Variants in SLC39A11 observed in about 807,000 individuals in gnomAD.
The protein encoded by SLC39A11 is solute carrier family 39 member 11.
In SLC39A11, 33 loss-of-function variants were observed where a neutral mutation model predicts 36.1. The ratio of observed to expected loss-of-function variants is 0.91; its 90% CI spans 0.69 to 1.22. The LOEUF (loss-of-function observed/expected upper bound fraction) is 1.22, where lower values mean the gene tolerates loss of function less well. SLC39A11 is among the 50% of genes most tolerant of loss of function. The probability of loss-of-function intolerance (pLI) is 0.00; values close to 1 mark genes in which losing one functional copy is unlikely to be tolerated. For missense variants in SLC39A11, 432 were observed against 430.3 expected (o/e 1.00, Z -0.03); for synonymous variants, 166 against 170.3 (o/e 0.97, Z 0.20).
chr17:72,721,499 A>C (rs1291871386), intron 7 of SLC39A11, among the ~76,000 whole-genome samples: 1 of 152,138 alleles, frequency 6.6e-6, no homozygotes, highest in Non-Finnish European at 1.5e-5. Context: ...TCCATGTGTG[A>C]TGATTCAAGA....
chr17:72,750,713 T>C (rs1361882472), intron 6 of SLC39A11, among the ~76,000 whole-genome samples: 1 of 151,954 alleles, frequency 6.6e-6, no homozygotes, highest in East Asian at 1.9e-4. Context: ...GCAGGCATCA[T>C]ACCACAACGT....
chr17:72,939,601 T>C (rs1174239491), intron 5 of SLC39A11, among the ~76,000 whole-genome samples: 1 of 152,106 alleles, frequency 6.6e-6, no homozygotes, highest in Non-Finnish European at 1.5e-5. Context: ...GTTTTGGACA[T>C]AGACACACTT....
rs552409101 is a variant in SLC39A11, at chr17:73,084,706, T to C, written c.147+102A>G. 6.4e-5 allele frequency: 67 copies of C among 1,049,606 alleles called. 2 individuals are homozygous for C. In the South Asian group the frequency reaches 7.3e-4, roughly 11 times the overall value. The allele number at this position is 1,049,606 out of a possible 1,614,324, so 65.0% of individuals were successfully genotyped here. On this transcript the variant is annotated intron_variant, in intron 3 of 9. Coordinates refer to ENST00000255559, the MANE Select transcript of SLC39A11 (RefSeq NM_139177.4). ...TGTTAGTGCCTGAGGAACACAGAGATGCATCTAGGTCGCAAGGGGAGGGAC... is the reference window on the plus strand; with the variant it reads ...TGTTAGTGCCTGAGGAACACAGAGACGCATCTAGGTCGCAAGGGGAGGGAC...
At chr17:72,671,503 C>G (rs961746075) in intron 7 of SLC39A11, among the ~76,000 whole-genome samples, 1 of 152,162 alleles carries the variant, frequency 6.6e-6, no homozygotes, top group Non-Finnish European at 1.5e-5. Context: ...GGTGGATCAT[C>G]TGAGGTCAGG....
intron 6 of SLC39A11, among the ~76,000 whole-genome samples, chr17:72,817,346 GGGAGGGGGA>G (rs925062131): frequency 2.8e-5 from 3 of 108,176 alleles, no homozygotes; most frequent in African/African-American, 1.0e-4. Flanking sequence ...GAAAAGAAGG[GGGAGGGGGA>G]GGAGGAGGAG....
intron 7 of SLC39A11, among the ~76,000 whole-genome samples, chr17:72,692,462 A>AGGCG (rs2072078951): frequency 6.6e-6 from 1 of 152,246 alleles, no homozygotes; most frequent in Non-Finnish European, 1.5e-5. Flanking sequence ...GGGAGGCCTC[A>AGGCG]GAATCATGGC....
intron 4 of SLC39A11, among the ~76,000 whole-genome samples, chr17:72,969,988 C>A (rs1381326971): frequency 2.6e-5 from 4 of 152,194 alleles, no homozygotes; most frequent in African/African-American, 9.7e-5. Flanking sequence ...GAAAGAGACA[C>A]CAACGGCAGT....
At chr17:72,905,172 CAAAA>C (rs58702930) in intron 5 of SLC39A11, among the ~76,000 whole-genome samples, 487 of 42,826 alleles carry the variant, frequency 0.011, 2 homozygotes, top group African/African-American at 0.04. Flanking sequence ...GACTCCATCT[CAAAA>C]AAAAAAAAAA....
In SLC39A11 at chr17:73,027,072, C is replaced by T. The variant is rs890327096; in HGVS notation, c.306+4484G>A. On this transcript the variant is annotated intron_variant, in intron 4 of 9. Coordinates refer to ENST00000255559, the MANE Select transcript of SLC39A11 (RefSeq NM_139177.4). ...AGGAGGTCAAGGCTACAGTAAGCCGCGATCATGCCACTGCACTCCAGCCTG... is the reference window on the plus strand; with the variant it reads ...AGGAGGTCAAGGCTACAGTAAGCCGTGATCATGCCACTGCACTCCAGCCTG... Among the ~76,000 whole-genome samples the T allele has an allele frequency of 1.3e-4, 20 of 151,924 alleles. 1 individual carries two copies. The South Asian group carries it at 1.5e-3, about 11-fold the overall frequency.
chr17:72,922,682 C>G (rs1028335515), intron 5 of SLC39A11, among the ~76,000 whole-genome samples: 5 of 152,090 alleles, frequency 3.3e-5, no homozygotes, highest in African/African-American at 9.7e-5. Flanking sequence ...AAACACTAAA[C>G]CCTGGTCAGG....
At chr17:72,821,609 A>G (rs1353259582) in intron 6 of SLC39A11, 3 of 150,126 alleles carry the variant, frequency 2.0e-5, no homozygotes, top group African/African-American at 7.3e-5. Flanking sequence ...ACAGTGTTAG[A>G]GGTCAAAACA....
At chr17:72,659,171 A>C (rs2070293026) in intron 7 of SLC39A11, among the ~76,000 whole-genome samples, 1 of 152,186 alleles carries the variant, frequency 6.6e-6, no homozygotes, top group Non-Finnish European at 1.5e-5. Context: ...AGACATTTGG[A>C]AGGTCCCTGT....
At chr17:72,683,335 T>G (rs1362104540) in intron 7 of SLC39A11, among the ~76,000 whole-genome samples, 1 of 125,864 alleles carries the variant, frequency 7.9e-6, no homozygotes. Context: ...TGAGACTAAT[T>G]TTTTTTTTTT....
intron 5 of SLC39A11, among the ~76,000 whole-genome samples, chr17:72,918,387 C>T (rs930028275): frequency 7.2e-5 from 11 of 151,732 alleles, no homozygotes; most frequent in Admixed American, 3.3e-4. Context: ...CCAGCCTGGG[C>T]GACAAGCGTG....
At chr17:72,821,593 C>T (rs1352815355) in intron 6 of SLC39A11, 2 of 146,514 alleles carry the variant, frequency 1.4e-5, no homozygotes, top group Non-Finnish European at 3.0e-5. Flanking sequence ...AAGACATACA[C>T]ACAGCACAGT....
chr17:72,910,926 CAA>C (rs199741291), intron 5 of SLC39A11, among the ~76,000 whole-genome samples: 2 of 111,984 alleles, frequency 1.8e-5, no homozygotes, highest in Non-Finnish European at 3.7e-5. Context: ...GACTCCACCT[CAA>C]AAAAAAAAAA....
chr17:73,082,436 A>G (rs769741211), intron 3 of SLC39A11, among the ~76,000 whole-genome samples: 2 of 152,178 alleles, frequency 1.3e-5, no homozygotes, highest in Non-Finnish European at 2.9e-5. Context: ...CATTACTAGA[A>G]TAAGACAGAG....
intron 4 of SLC39A11, among the ~76,000 whole-genome samples, chr17:72,969,337 C>G (rs1427692961): frequency 2.6e-5 from 4 of 151,850 alleles, no homozygotes. Flanking sequence ...CAGAAGAGGA[C>G]AGCCAGATTC....
chr17:72,961,448 T>C lies in SLC39A11; in HGVS notation c.307-13573A>G, dbSNP rs554257684. Among the ~76,000 whole-genome samples the C allele has an allele frequency of 4.6e-5, 7 of 152,314 alleles. No homozygotes were observed. The East Asian group carries it at 7.7e-4, about 17-fold the overall frequency. The stretch of plus-strand genomic sequence containing the variant: ...AAAGACACATGCACACGTATGTTTA[T>C]TGCAGCACTGTTCACAATAGCAAAG... On this transcript the variant is annotated intron_variant, in intron 4 of 9. Coordinates refer to ENST00000255559, the MANE Select transcript of SLC39A11 (RefSeq NM_139177.4).
Sources: allele counts gnomAD v4.1 joint callset (sites outside exome capture counted in the v4.1 genomes callset), GRCh38; gene constraint gnomAD v4.1.1; transcripts MANE v1.5; gene names NCBI Gene and HGNC (gene_info 2026-07-23, HGNC 2026-07-21).